SMYD1: variants seen among roughly 807,000 people sequenced by gnomAD.
SMYD1 encodes SET and MYND domain containing 1.
Under a neutral mutation model 54.0 loss-of-function variants are expected in SMYD1, and 49 were observed. That is an observed-to-expected ratio of 0.91 (90% CI 0.72 to 1.15). SMYD1 has a LOEUF of 1.15. SMYD1 is among the 50% of genes most tolerant of loss of function. SMYD1 has a pLI of 0.00. For synonymous variants in SMYD1, 269 were observed against 234.2 expected, an observed-to-expected ratio of 1.15 and a Z score of -1.36; for missense variants, 653 against 639.6, an observed-to-expected ratio of 1.02 and a Z score of -0.23.
chr2:88,082,706 T>C (rs1438887122), intron 1 of SMYD1: 3 of 154,400 alleles, frequency 1.9e-5, no homozygotes, highest in African/African-American at 7.2e-5. Flanking sequence ...CTAGAAACCA[T>C]GTACAAAGAA....
chr2:88,073,519 A>T (rs1673992847), intron 1 of SMYD1, among the ~76,000 whole-genome samples: 1 of 152,214 alleles, frequency 6.6e-6, no homozygotes, highest in African/African-American at 2.4e-5. Flanking sequence ...TAATTTGTAG[A>T]TGCTATGTTT....
In SMYD1 at chr2:88,108,499, T is replaced by C. The variant is rs748012438; in HGVS notation, c.1274T>C (p.Val425Ala). ...TGCAAAGCCTATGCCATTCTCCTGG[T>C]GACACACGGACCCTCCCACCCCATC... ...MICKAYAILL[V>A]THGPSHPITK... Residue 425 changes from valine to alanine, a missense_variant, in exon 9 of 10, where the codon GTG (valine) becomes GCG (alanine). Transcript: ENST00000419482. 13 of 1,608,988 alleles carry C rather than the reference T, an allele frequency of 8.1e-6. No homozygotes were observed. Among genetic ancestry groups the C allele is most frequent in the African/African-American group, 2.7e-5 (2 of 74,580 alleles).
At chr2:88,103,990 G>A (rs1278780484) in intron 7 of SMYD1, among the ~76,000 whole-genome samples, 2 of 142,248 alleles carry the variant, frequency 1.4e-5, no homozygotes, top group Non-Finnish European at 3.0e-5. Context: ...TTTTTGAGAT[G>A]GAGTCTCGCT....
At chr2:88,076,715 C>T (rs761572761) in intron 1 of SMYD1, among the ~76,000 whole-genome samples, 1 of 152,122 alleles carries the variant, frequency 6.6e-6, no homozygotes, top group Non-Finnish European at 1.5e-5. Context: ...CTTTAAGACA[C>T]CTACCCCAGG....
intron 7 of SMYD1, among the ~76,000 whole-genome samples, chr2:88,105,713 G>T (rs1041558270): frequency 6.6e-6 from 1 of 152,216 alleles, no homozygotes; most frequent in East Asian, 1.9e-4. Context: ...TGAGGTGGGC[G>T]GATTGCCTGA....
intron 5 of SMYD1, among the ~76,000 whole-genome samples, chr2:88,095,599 G>A (rs1157480487): frequency 6.6e-6 from 1 of 152,154 alleles, no homozygotes; most frequent in Non-Finnish European, 1.5e-5. Flanking sequence ...CTGTGCAGAT[G>A]CTCTCCCCAG....
In SMYD1 at chr2:88,112,695, A is replaced by G. The variant is rs1675056102; in HGVS notation, c.*2183A>G. ...AAGGGCTCTTACCAAGATCAAATCT[A>G]ATGGGTACATTTTAGTTCCTATGTG... On this transcript the variant is annotated 3_prime_UTR_variant, in exon 10 of 10. Transcript: ENST00000419482. 6.5e-6 allele frequency: 1 copy of G among 154,248 alleles called. No homozygotes were observed. The highest frequency in any genetic ancestry group is 1.4e-5 in the Non-Finnish European group (1 of 69,316). 9.6% of individuals were successfully genotyped at this position (154,248 alleles called of 1,614,324 possible). A position where few individuals can be genotyped will look rare whatever the true frequency, so the allele number is the denominator to read the frequency against.
intron 1 of SMYD1, among the ~76,000 whole-genome samples, chr2:88,075,457 G>A (rs1307672259): frequency 6.7e-6 from 1 of 149,400 alleles, no homozygotes; most frequent in Non-Finnish European, 1.5e-5. Flanking sequence ...GAGAATTGAT[G>A]TTTTAATAAA....
chr2:88,076,194 G>A (rs1674057575), intron 1 of SMYD1, among the ~76,000 whole-genome samples: 1 of 152,122 alleles, frequency 6.6e-6, no homozygotes. Flanking sequence ...GGGACTGCTT[G>A]AAGGCAAAGT....
chr2:88,093,918 C>T (rs774603754), intron 5 of SMYD1, among the ~76,000 whole-genome samples: 10 of 152,164 alleles, frequency 6.6e-5, no homozygotes, highest in Non-Finnish European at 1.5e-4. Flanking sequence ...TACTAAAGGA[C>T]TGTCTGTTTA....
chr2:88,105,027 GA>G (rs1343216386), intron 7 of SMYD1, among the ~76,000 whole-genome samples: 1 of 152,162 alleles, frequency 6.6e-6, no homozygotes, highest in Non-Finnish European at 1.5e-5. Flanking sequence ...CTGAGCCTCA[GA>G]ACCACCCAGG....
At chr2:88,093,476 A>G (rs1158833167) in intron 4 of SMYD1, 41 bp from the exon 5 acceptor site, 2 of 1,613,222 alleles carry the variant, frequency 1.2e-6, no homozygotes, top group Non-Finnish European at 1.7e-6. Flanking sequence ...TGATCAGCCA[A>G]TGATAATGAT....
intron 1 of SMYD1, among the ~76,000 whole-genome samples, chr2:88,073,939 T>C (rs1573100504): frequency 1.3e-5 from 2 of 152,246 alleles, no homozygotes; most frequent in Admixed American, 1.3e-4. Context: ...TACTCCTTTA[T>C]GTCTAGTTCT....
rs1170533933 is a variant in SMYD1 at position 88,091,101 on chromosome 2, T to C, written c.618T>C (p.His206=). The part of the protein sequence containing the change: ...GIFPNLGLVN[H]DCWPNCTVIF... ...TCCCCAACCTGGGCCTGGTGAACCATGACTGTTGGCCCAACTGTACTGTCA... is the reference window on the plus strand; with the variant it reads ...TCCCCAACCTGGGCCTGGTGAACCACGACTGTTGGCCCAACTGTACTGTCA... Residue 206 remains histidine, a synonymous_variant, in exon 4 of 10, where the codon CAT becomes CAC. Coordinates refer to ENST00000419482, the MANE Select transcript of SMYD1 (RefSeq NM_198274.4). 3 of 1,614,180 alleles carry C rather than the reference T, an allele frequency of 1.9e-6. No homozygotes were observed. Among genetic ancestry groups the C allele is most frequent in the Admixed American group, 1.7e-5 (1 of 60,024 alleles).
chr2:88,088,153 G>T lies in SMYD1; in HGVS notation c.528+78G>T, dbSNP rs1321017210. On this transcript the variant is annotated intron_variant, in intron 3 of 9. Coordinates refer to ENST00000419482, the MANE Select transcript of SMYD1 (RefSeq NM_198274.4). ...CCCTCCTCCCACTTGGGGAGGGTGGGGCTTCTCAGAAGTGAACTAAGAGGC... is the reference window on the plus strand; with the variant it reads ...CCCTCCTCCCACTTGGGGAGGGTGGTGCTTCTCAGAAGTGAACTAAGAGGC... 2.1e-6 allele frequency: 3 copies of T among 1,446,312 alleles called. No homozygotes were observed. The African/African-American group carries it at 4.3e-5, about 20-fold the overall frequency. The allele number at this position is 1,446,312 out of a possible 1,614,324, so 89.6% of individuals were successfully genotyped here.
chr2:88,108,473 C>A lies in SMYD1; in HGVS notation c.1248C>A (p.Ile416=), dbSNP rs1372175703. ...ACATTGAGGTGGGGCACGGGATGATCTGCAAAGCCTATGCCATTCTCCTGG... is the reference window on the plus strand; with the variant it reads ...ACATTGAGGTGGGGCACGGGATGATATGCAAAGCCTATGCCATTCTCCTGG... ...AGNIEVGHGM[I]CKAYAILLVT... The change falls in exon 9 of 10, where the codon ATC becomes ATA. Residue 416 remains isoleucine, a synonymous_variant. Transcript: ENST00000419482. 2.5e-6 allele frequency: 4 copies of A among 1,612,484 alleles called. No homozygotes were observed. The highest frequency in any genetic ancestry group is 2.5e-6 in the Non-Finnish European group (3 of 1,179,356).
intron 7 of SMYD1, among the ~76,000 whole-genome samples, chr2:88,104,402 C>G (rs770867061): frequency 9.2e-5 from 14 of 152,226 alleles, no homozygotes; most frequent in African/African-American, 1.2e-4. Flanking sequence ...GGTGGGTAGA[C>G]AGTCACACAC....
chr2:88,073,600 C>A (rs1673994287), intron 1 of SMYD1, among the ~76,000 whole-genome samples: 1 of 152,168 alleles, frequency 6.6e-6, no homozygotes, highest in South Asian at 2.1e-4. Flanking sequence ...GTATTAAAGA[C>A]AAATTCCTAC....
At chr2:88,091,259 A>G in intron 4 of SMYD1, 117 bp downstream of exon 4, 3 of 1,105,522 alleles carry the variant, frequency 2.7e-6, no homozygotes, top group Non-Finnish European at 3.9e-6. Flanking sequence ...TAAATTTTAA[A>G]TGTATAGCAC....
Sources: allele counts gnomAD v4.1 joint callset (sites outside exome capture counted in the v4.1 genomes callset), GRCh38; gene constraint gnomAD v4.1.1; transcripts MANE v1.5; gene names NCBI Gene and HGNC (gene_info 2026-07-23, HGNC 2026-07-21).